MICAL3: variants seen among roughly 807,000 people sequenced by gnomAD.
MICAL3 encodes the protein [F-actin]-monooxygenase MICAL3.
In MICAL3, 62 loss-of-function variants were observed where a neutral mutation model predicts 207.4. The ratio of observed to expected loss-of-function variants is 0.30; its 90% confidence interval spans 0.24 to 0.37. MICAL3 has a LOEUF of 0.37. Among genes scored for constraint, MICAL3 ranks in the 10% least tolerant of loss-of-function variants. The pLI, the probability that MICAL3 is intolerant of heterozygous loss-of-function variation, is 1.00. For synonymous variants in MICAL3, 1,077 were observed against 1,069.3 expected, an observed-to-expected ratio of 1.01 and a Z score of -0.14; for missense variants, 2,368 against 2,635.6, an observed-to-expected ratio of 0.90 and a Z score of 2.22.
intron 1 of MICAL3, among the ~76,000 whole-genome samples, chr22:17,955,200 A>G (rs1011742245): frequency 2.0e-5 from 3 of 152,166 alleles, no homozygotes; most frequent in African/African-American, 7.2e-5. Context: ...ATTCACTGTG[A>G]TCACCTCCTT....
Position 17,877,574 on chromosome 22 carries a change from T to TAGGGAGGTG in MICAL3, c.2242-5552_2242-5551insCACCTCCCT, listed in dbSNP as rs1213884856. On this transcript the variant is annotated intron_variant, in intron 16 of 31. Coordinates refer to ENST00000441493, the MANE Select transcript of MICAL3 (RefSeq NM_015241.3). ...GGGAGGTTATGGAGGTTAGGGAGGT[T>TAGGGAGGTG]AGGGAAGTTATGGAGGTTAGGGAGG... Among the ~76,000 whole-genome samples the TAGGGAGGTG allele has an allele frequency of 7.4e-4, 96 of 130,310 alleles. 2 individuals carry two copies. The highest frequency in any genetic ancestry group is 1.1e-3 in the Admixed American group (14 of 12,424). 85.5% of individuals were successfully genotyped at this position (130,310 alleles called of 152,430 possible).
chr22:17,846,740 T>C (rs1373910726), intron 19 of MICAL3, among the ~76,000 whole-genome samples: 1 of 152,224 alleles, frequency 6.6e-6, no homozygotes, highest in Non-Finnish European at 1.5e-5. Flanking sequence ...ACAGGGACTT[T>C]CCAGCTTAAA....
At chr22:18,009,113 A>G (rs1414934111) in intron 1 of MICAL3, among the ~76,000 whole-genome samples, 1 of 146,994 alleles carries the variant, frequency 6.8e-6, no homozygotes, top group East Asian at 2.0e-4. Flanking sequence ...TGCAGAAGAA[A>G]TCTCTAGTTA....
At chr22:17,804,751 G>A (rs904439502) in intron 29 of MICAL3, among the ~76,000 whole-genome samples, 1 of 152,134 alleles carries the variant, frequency 6.6e-6, no homozygotes, top group Non-Finnish European at 1.5e-5. Flanking sequence ...TCCAAACCCC[G>A]CATTCTGAAT....
At chr22:18,000,417 G>C (rs1028962651) in intron 1 of MICAL3, among the ~76,000 whole-genome samples, 1 of 152,250 alleles carries the variant, frequency 6.6e-6, no homozygotes, top group African/African-American at 2.4e-5. Flanking sequence ...AGGAAGACCA[G>C]CCAAGATACG....
intron 11 of MICAL3, 97 bp downstream of exon 11, chr22:17,893,711 G>C: frequency 2.3e-6 from 2 of 875,110 alleles, no homozygotes; most frequent in South Asian, 2.9e-5. Flanking sequence ...ACAGTACTTC[G>C]GCCACTGCCT....
At chr22:17,995,098 T>C (rs1232191102) in intron 1 of MICAL3, among the ~76,000 whole-genome samples, 1 of 152,222 alleles carries the variant, frequency 6.6e-6, no homozygotes, top group Non-Finnish European at 1.5e-5. Context: ...GCAGAAGCTC[T>C]TGCCCTTCCG....
At chr22:17,862,925 C>G (rs886886483) in intron 19 of MICAL3, 1 of 985,400 alleles carries the variant, frequency 1.0e-6, no homozygotes, top group African/African-American at 1.7e-5. Flanking sequence ...ATTTTGAACT[C>G]CCGTGCTATA....
At chr22:17,953,269 C>T (rs1432479591) in intron 1 of MICAL3, among the ~76,000 whole-genome samples, 2 of 152,104 alleles carry the variant, frequency 1.3e-5, no homozygotes, top group African/African-American at 2.4e-5. Flanking sequence ...TAAATTACCC[C>T]ACTAAAATAA....
chr22:17,892,671 T>C (rs1930485517), intron 11 of MICAL3, among the ~76,000 whole-genome samples: 1 of 152,130 alleles, frequency 6.6e-6, no homozygotes, highest in African/African-American at 2.4e-5. Context: ...TGCTCTAAAA[T>C]AAAAACAGTG....
intron 9 of MICAL3, among the ~76,000 whole-genome samples, chr22:17,895,914 A>C (rs978534984): frequency 2.0e-5 from 3 of 152,190 alleles, no homozygotes; most frequent in Admixed American, 2.0e-4. Context: ...ATTTGCAAAA[A>C]TCTGCTTCAA....
chr22:17,887,462 A>G (rs746385594), intron 13 of MICAL3, 27 bp from the exon 14 acceptor site: 5 of 1,551,066 alleles, frequency 3.2e-6, no homozygotes, highest in Admixed American at 3.4e-5. Flanking sequence ...GTGATGTTCA[A>G]GCACAGCCCT....
intron 1 of MICAL3, among the ~76,000 whole-genome samples, chr22:17,916,559 C>T (rs1036963177): frequency 7.9e-5 from 12 of 152,222 alleles, no homozygotes; most frequent in African/African-American, 2.7e-4. Flanking sequence ...CACAGAAATG[C>T]CTCATCAAGG....
rs770910046 is a variant in MICAL3 at position 17,902,720 on chromosome 22, A to G, written c.500T>C (p.Leu167Ser). The change falls in exon 4 of 32, where the codon TTG becomes TCG. Residue 167 changes from leucine (L) to serine (S), a missense_variant. Physicochemically the swap from Leu to Ser is moderately radical, Grantham distance 145. Coordinates refer to ENST00000441493, the MANE Select transcript of MICAL3 (RefSeq NM_015241.3). The surrounding 1 kb of genome is among the most constrained non-coding windows in gnomAD (Gnocchi z 4.5). Reference protein sequence around the residue: ...ISIRQLQLILLKVALILGIEI... With the variant: ...ISIRQLQLILSKVALILGIEI... ...AATGCCTAGGATCAAGGCTACTTTC[A>G]AAAGTATTAGTTGGAGCTGACGGAT... is the stretch of plus-strand genomic sequence containing the variant. 1.2e-6 allele frequency: 2 copies of G among 1,601,872 alleles called. No homozygotes were observed. The highest frequency in any genetic ancestry group is 1.1e-5 in the South Asian group (1 of 88,744).
In MICAL3 at chr22:17,810,724, A is replaced by T. The variant is rs1569074615; in HGVS notation, c.5535T>A (p.Leu1845=). 6.2e-7 allele frequency: 1 copy of T among 1,613,800 alleles called. No individual in the cohort carries two copies. Among genetic ancestry groups the T allele is most frequent in the Non-Finnish European group, 8.5e-7 (1 of 1,179,784 alleles). The change falls in exon 28 of 32, where the codon CTT becomes CTA. Residue 1845 remains leucine (L), a synonymous_variant. Transcript: ENST00000441493. ...TTACCTGGGCTCGATGCAGCCGCTT[A>T]AGCTCCTCCTGCTTGGCCTGTCTCC... ...AARRQAKQEE[L]KRLHRAQIIQ...
intron 1 of MICAL3, among the ~76,000 whole-genome samples, chr22:18,002,146 C>T (rs530782502): frequency 2.0e-4 from 30 of 152,092 alleles, no homozygotes; most frequent in African/African-American, 6.7e-4. Flanking sequence ...TGCAGTGAGC[C>T]GAGATGGTGC....
intron 1 of MICAL3, among the ~76,000 whole-genome samples, chr22:17,949,860 C>G (rs1032013910): frequency 2.6e-5 from 4 of 152,234 alleles, no homozygotes; most frequent in Non-Finnish European, 4.4e-5. Context: ...AACTGGGGAG[C>G]CTGGCACAAT....
chr22:17,938,952 ATGTT>A (rs1478478431), intron 1 of MICAL3, among the ~76,000 whole-genome samples: 3 of 152,160 alleles, frequency 2.0e-5, no homozygotes, highest in Non-Finnish European at 2.9e-5. Context: ...TGTGGTTGGA[ATGTT>A]TGTTCCTTTT....
chr22:17,831,623 C>T (rs1922814444), intron 21 of MICAL3, among the ~76,000 whole-genome samples: 1 of 152,220 alleles, frequency 6.6e-6, no homozygotes, highest in Non-Finnish European at 1.5e-5. Context: ...CTTCCACTTC[C>T]AGTTTCTAAA....
Sources: gnomAD v4.1 joint callset for allele counts (sites outside exome capture counted in the v4.1 genomes callset) on GRCh38, gnomAD v4.1.1 for gene constraint, Gnocchi (gnomAD v3.1) non-coding constraint, MANE v1.5 for transcripts, NCBI Gene and HGNC (gene_info 2026-07-23, HGNC 2026-07-21) for gene names.